The following ATP1A3 variants were observed in gnomAD, a reference collection of about 807,000 sequenced individuals.
The protein encoded by ATP1A3 is sodium/potassium-transporting ATPase subunit alpha-3.
A neutral mutation model predicts 108.8 loss-of-function variants in ATP1A3; 12 were observed. That is an observed-to-expected ratio of 0.11 (90% CI 0.07 to 0.18). The LOEUF is 0.18. Ranked by LOEUF, ATP1A3 falls within the 10% of genes least tolerant of loss-of-function variation. The pLI, the probability that ATP1A3 is intolerant of heterozygous loss-of-function variation, is 1.00. For synonymous variants in ATP1A3, 539 were observed against 564.5 expected (o/e 0.95, Z 0.64); for missense variants, 498 against 1,387.7 (o/e 0.36, Z 10.19).
chr19:41,974,519 G>A (rs1389071269), intron 16 of ATP1A3, among the ~76,000 whole-genome samples: 1 of 152,184 alleles, frequency 6.6e-6, no homozygotes, highest in African/African-American at 2.4e-5. Flanking sequence ...GGATATAGGA[G>A]ACAAGGGCTG....
chr19:41,973,779 AGC>A (rs1444637893), intron 16 of ATP1A3, among the ~76,000 whole-genome samples: 1 of 152,238 alleles, frequency 6.6e-6, no homozygotes, highest in African/African-American at 2.4e-5. Context: ...CCAGGCTTCC[AGC>A]ATGATGCACA....
rs782305663 is a variant in ATP1A3 at position 41,970,529 on chromosome 19, G to A, written c.2277C>T (p.Phe759=). ...VTGVEEGRLI[F]DNLKKSIAYT... is the part of the protein sequence containing the mutation. ...AGGCAATGGACTTCTTTAGGTTGTCGAAGATCAGGCGGCCTGTGGCACAGG... is the reference window on the plus strand; with the variant it reads ...AGGCAATGGACTTCTTTAGGTTGTCAAAGATCAGGCGGCCTGTGGCACAGG... The change falls in exon 17 of 23, where the codon TTC becomes TTT. Residue 759 remains phenylalanine (F), a synonymous_variant. Transcript: ENST00000648268. The A allele has an allele frequency of 1.5e-5, 25 of 1,613,870 alleles. No homozygotes were observed. The highest frequency in any genetic ancestry group is 4.5e-5 in the East Asian group (2 of 44,868).
At chr19:41,990,644 ATCTC>A (rs1219281755) in intron 1 of ATP1A3, among the ~76,000 whole-genome samples, 1 of 125,974 alleles carries the variant, frequency 7.9e-6, no homozygotes, top group Admixed American at 8.1e-5. Flanking sequence ...GCTCTCCTCA[ATCTC>A]TCTCTCTCTT....
chr19:41,976,389 C>T (rs2075171092), intron 15 of ATP1A3, 27 bp downstream of exon 15: 1 of 1,613,940 alleles, frequency 6.2e-7, no homozygotes, highest in Non-Finnish European at 8.5e-7. Flanking sequence ...AAGGCCCCGT[C>T]CCCTCCTCTG....
At chr19:41,993,797 A>C (rs1203303433) in intron 1 of ATP1A3, 1 of 634,274 alleles carries the variant, frequency 1.6e-6, no homozygotes, top group East Asian at 2.8e-5. Context: ...AACTGTGCAC[A>C]TGCAACCGCA....
chr19:41,975,386 C>T (rs964350092), intron 16 of ATP1A3, among the ~76,000 whole-genome samples: 1 of 152,184 alleles, frequency 6.6e-6, no homozygotes, highest in Non-Finnish European at 1.5e-5. Context: ...TCAGCTTCAC[C>T]CACCAGATGG....
In ATP1A3 at chr19:41,978,598, C is replaced by A; in HGVS notation, c.1630+8G>T. 6.2e-7 allele frequency: 1 copy of A among 1,612,774 alleles called. No individual in the cohort carries two copies. The highest frequency in any genetic ancestry group is 8.5e-7 in the Non-Finnish European group (1 of 1,179,942). On this transcript the variant is annotated splice_region_variant and intron_variant, in intron 12 of 22. Transcript: ENST00000648268. The surrounding 1 kb of genome is among the most constrained non-coding windows in gnomAD (Gnocchi z 8.3). Reference sequence around the variant, plus strand: ...AGGGACCCCAGAGCCCGCCCGGCAGCCTCGCACCAAGCACGCGCTCGCCCA... The same window carrying A: ...AGGGACCCCAGAGCCCGCCCGGCAGACTCGCACCAAGCACGCGCTCGCCCA...
intron 16 of ATP1A3, among the ~76,000 whole-genome samples, chr19:41,971,060 C>T (rs1415077987): frequency 1.3e-5 from 2 of 151,076 alleles, no homozygotes; most frequent in Non-Finnish European, 3.0e-5. Context: ...GACTCCCAGG[C>T]TCAAGTGATC....
intron 5 of ATP1A3, 55 bp from the exon 6 acceptor site, chr19:41,986,053 T>G (rs2075283500): frequency 6.2e-7 from 1 of 1,613,994 alleles, no homozygotes; most frequent in Non-Finnish European, 8.5e-7. Flanking sequence ...TGGGGGTCAC[T>G]GGGCCCGGCC....
At chr19:41,975,937 C>G (rs2075162018) in intron 15 of ATP1A3, 140 bp from the exon 16 acceptor site, 8 of 1,210,824 alleles carry the variant, frequency 6.6e-6, no homozygotes, top group Non-Finnish European at 9.5e-6. Flanking sequence ...TCCCCTCAGA[C>G]CTAGGAGTTC....
chr19:41,975,867 GCCCAGGAC>G, intron 15 of ATP1A3, 70 bp from the exon 16 acceptor site: 1 of 1,599,000 alleles, frequency 6.3e-7, no homozygotes, highest in African/African-American at 1.3e-5. Context: ...AGATCCAGAA[GCCCAGGAC>G]CCCAGCCCCC....
chr19:41,981,703 G>A lies in ATP1A3; in HGVS notation c.1302+19C>T, dbSNP rs782673944. On this transcript the variant is annotated intron_variant, in intron 10 of 22. Transcript: ENST00000648268. The surrounding 1 kb of genome is among the most constrained non-coding windows in gnomAD (Gnocchi z 5.0). The stretch of plus-strand genomic sequence containing the variant: ...GAGGACACAGGCAGGGCCGAGGTGA[G>A]GCCAGTAGCTGAACCCACCTTGAGC... 7 of 1,614,192 alleles carry A rather than the reference G, an allele frequency of 4.3e-6. No individual in the cohort carries two copies. The South Asian group carries it at 6.6e-5, about 15-fold the overall frequency.
chr19:41,982,329 A>T (rs782100304), intron 8 of ATP1A3, among the ~76,000 whole-genome samples: 1 of 152,204 alleles, frequency 6.6e-6, no homozygotes, highest in Non-Finnish European at 1.5e-5. Flanking sequence ...AGCCACATGC[A>T]TAATAGTGCA....
intron 16 of ATP1A3, among the ~76,000 whole-genome samples, chr19:41,975,103 G>T (rs2075152018): frequency 1.3e-5 from 2 of 152,102 alleles, no homozygotes; most frequent in South Asian, 2.1e-4. Flanking sequence ...CCAGGCTGGA[G>T]TGCTGTGGCG....
At chr19:41,970,728 T>C (rs1402912665) in intron 16 of ATP1A3, among the ~76,000 whole-genome samples, 186 bp from the exon 17 acceptor site, 1 of 147,590 alleles carries the variant, frequency 6.8e-6, no homozygotes, top group Non-Finnish European at 1.5e-5. Context: ...GCCTCCCGGG[T>C]TCACGCCATT....
At chr19:41,984,073 C>G (rs1443680306) in intron 8 of ATP1A3, among the ~76,000 whole-genome samples, 2 of 152,000 alleles carry the variant, frequency 1.3e-5, no homozygotes, top group Admixed American at 1.3e-4. Flanking sequence ...CTGCGCCCAG[C>G]CTTCACATTT....
In ATP1A3 at chr19:41,968,587, G is replaced by A. The variant is rs1276316739; in HGVS notation, c.2819+198C>T. Among the ~76,000 whole-genome samples the A allele has an allele frequency of 2.6e-5, 4 of 152,062 alleles. No homozygotes were observed. The highest frequency in any genetic ancestry group is 5.9e-5 in the Non-Finnish European group (4 of 68,010). On this transcript the variant is annotated intron_variant, in intron 20 of 22. Transcript: ENST00000648268. This position sits in a 1 kb window ranked among gnomAD's most constrained non-coding sequence, Gnocchi z 5.0. ...GCTACTCAGGAGGCTGAGGTGGGTG[G>A]GTCACTTGAGCCCAGGAGGTCGAGG...
chr19:41,991,362 T>A (rs1231331801), intron 1 of ATP1A3, among the ~76,000 whole-genome samples: 1 of 115,022 alleles, frequency 8.7e-6, no homozygotes, highest in Non-Finnish European at 1.8e-5. Context: ...GTGCAGGGGG[T>A]GGGAGGGAGG....
intron 11 of ATP1A3, among the ~76,000 whole-genome samples, chr19:41,980,235 G>A (rs896710179): frequency 2.0e-5 from 3 of 152,236 alleles, no homozygotes; most frequent in African/African-American, 7.2e-5. Context: ...GTCTCAGAGA[G>A]GGGTGACTTC....
Sources: gnomAD v4.1 joint callset for allele counts (sites outside exome capture counted in the v4.1 genomes callset) on GRCh38, gnomAD v4.1.1 for gene constraint, Gnocchi (gnomAD v3.1) non-coding constraint, MANE v1.5 for transcripts, NCBI Gene and HGNC (gene_info 2026-07-23, HGNC 2026-07-21) for gene names.